The following KNDC1 variants were observed in gnomAD, a reference collection of about 807,000 sequenced individuals.
The protein encoded by KNDC1 is kinase non-catalytic C-lobe domain-containing protein 1.
In KNDC1, 106 loss-of-function variants were observed where a neutral mutation model predicts 172.8. That is an observed-to-expected ratio of 0.61 (90% CI 0.52 to 0.72). The LOEUF is 0.72. Ranked by LOEUF, KNDC1 falls within the 30% of genes least tolerant of loss-of-function variation. The probability of loss-of-function intolerance (pLI) is 0.00; values close to 1 mark genes in which losing one functional copy is unlikely to be tolerated. For synonymous variants in KNDC1, 1,083 were observed against 1,062.2 expected, an observed-to-expected ratio of 1.02 and a Z score of -0.38; for missense variants, 2,325 against 2,394.5, an observed-to-expected ratio of 0.97 and a Z score of 0.61.
intron 7 of KNDC1, among the ~76,000 whole-genome samples, chr10:133,189,036 T>A (rs1022870339): frequency 6.6e-6 from 1 of 152,040 alleles, no homozygotes; most frequent in African/African-American, 2.4e-5. Context: ...AGTGACATTG[T>A]CCCCAGGGAG....
Position 133,191,517 on chromosome 10 carries a change from T to G in KNDC1, c.1575+1704T>G, listed in dbSNP as rs150225138. Among the ~76,000 whole-genome samples, 411 of 152,222 alleles carry G rather than the reference T, an allele frequency of 2.7e-3. 1 individual carries two copies. Among genetic ancestry groups the G allele is most frequent in the African/African-American group, 9.7e-3 (401 of 41,518 alleles). On this transcript the variant is annotated intron_variant, in intron 9 of 29. Coordinates refer to ENST00000304613, the MANE Select transcript of KNDC1 (RefSeq NM_152643.8). ...GAGTTTGAGACCACCCTCGCCAACA[T>G]GGTGAAACCTCATCTCTACTAAAAA...
At chr10:133,166,517 TGTGA>T (rs893570356) in intron 1 of KNDC1, among the ~76,000 whole-genome samples, 7 of 152,020 alleles carry the variant, frequency 4.6e-5, no homozygotes, top group Non-Finnish European at 4.4e-5. Flanking sequence ...GTAGTATGTG[TGTGA>T]GTGTGAGGTG....
intron 23 of KNDC1, among the ~76,000 whole-genome samples, chr10:133,212,102 C>T (rs921288348): frequency 9.2e-5 from 14 of 152,092 alleles, no homozygotes; most frequent in East Asian, 1.9e-4. Flanking sequence ...CGTGCACATG[C>T]GTGCACACTC....
In KNDC1 at chr10:133,182,959, T is replaced by TGTGGGCACAGGCGGC. The variant is rs1564881685; in HGVS notation, c.361-371_361-370insCGTGGGCACAGGCGG. Among the ~76,000 whole-genome samples the TGTGGGCACAGGCGGC allele has an allele frequency of 4.2e-3, 565 of 135,720 alleles. 2 individuals carry two copies. The highest frequency in any genetic ancestry group is 0.015 in the African/African-American group (538 of 36,852). The allele number at this position is 135,720 out of a possible 152,430, so 89.0% of individuals were successfully genotyped here. On this transcript the variant is annotated intron_variant, in intron 3 of 29. Coordinates refer to ENST00000304613, the MANE Select transcript of KNDC1 (RefSeq NM_152643.8). Reference sequence around the variant, plus strand: ...GCACAGGCGGTGTGGGCACAGGCGGTGTGGGCACAGGCGGTGTGGGCACAG... The same window carrying TGTGGGCACAGGCGGC: ...GCACAGGCGGTGTGGGCACAGGCGGTGTGGGCACAGGCGGCGTGGGCACAGGCGGTGTGGGCACAG...
chr10:133,166,971 G>T (rs1450437121), intron 1 of KNDC1, among the ~76,000 whole-genome samples: 1 of 152,182 alleles, frequency 6.6e-6, no homozygotes, highest in Non-Finnish European at 1.5e-5. Flanking sequence ...CGTTAGCTCT[G>T]CACGAGTCCA....
At chr10:133,183,184 G>A (rs1294848776) in intron 3 of KNDC1, among the ~76,000 whole-genome samples, 160 bp from the exon 4 acceptor site, 9 of 150,794 alleles carry the variant, frequency 6.0e-5, no homozygotes, top group South Asian at 2.1e-4. Context: ...GCGTGGGCGC[G>A]GGCGGCAAGG....
chr10:133,182,962 GGGCACAGGCGGTGT>G, intron 3 of KNDC1, among the ~76,000 whole-genome samples: 1 of 149,884 alleles, frequency 6.7e-6, no homozygotes, highest in South Asian at 2.1e-4. Flanking sequence ...CAGGCGGTGT[GGGCACAGGCGGTGT>G]GGGCACAGGC....
At chr10:133,204,481 G>A (rs1854468158) in intron 17 of KNDC1, among the ~76,000 whole-genome samples, 1 of 152,178 alleles carries the variant, frequency 6.6e-6, no homozygotes, top group African/African-American at 2.4e-5. Context: ...AGGTTCTGCA[G>A]AGGCCTGGTC....
At chr10:133,185,915 G>C (rs1233934310) in intron 5 of KNDC1, 59 bp from the exon 6 acceptor site, 12 of 1,234,864 alleles carry the variant, frequency 9.7e-6, no homozygotes, top group Non-Finnish European at 1.3e-5. Flanking sequence ...GGAGGGGCGG[G>C]AGGAGAGGGG....
At chr10:133,173,694 C>T (rs1039705432) in intron 3 of KNDC1, among the ~76,000 whole-genome samples, 1 of 152,160 alleles carries the variant, frequency 6.6e-6, no homozygotes, top group Non-Finnish European at 1.5e-5. Flanking sequence ...CTGCCTGTTC[C>T]CCGGGTCACT....
At chr10:133,213,438 C>T (rs1386387234) in intron 24 of KNDC1, among the ~76,000 whole-genome samples, 4 of 152,220 alleles carry the variant, frequency 2.6e-5, no homozygotes, top group Non-Finnish European at 4.4e-5. Flanking sequence ...CCTGCTGTCA[C>T]GAGGGCTGCC....
chr10:133,185,671 T>A (rs1365818205), intron 5 of KNDC1, among the ~76,000 whole-genome samples: 1 of 150,850 alleles, frequency 6.6e-6, no homozygotes, highest in Non-Finnish European at 1.5e-5. Flanking sequence ...GATAATTAGG[T>A]CCAGGCTCCC....
chr10:133,216,229 G>A (rs937873391), intron 26 of KNDC1, among the ~76,000 whole-genome samples: 3 of 151,956 alleles, frequency 2.0e-5, no homozygotes, highest in Non-Finnish European at 4.4e-5. Context: ...GGAGACACAA[G>A]GGCAGGAAGA....
rs771883328 is a variant in KNDC1, at chr10:133,197,094, A to G, written c.1771A>G (p.Ser591Gly). 6.2e-7 allele frequency: 1 copy of G among 1,613,300 alleles called. No homozygotes were observed. Among genetic ancestry groups the G allele is most frequent in the Admixed American group, 1.7e-5 (1 of 60,020 alleles). The change falls in exon 11 of 30, where the codon AGC becomes GGC. Residue 591 changes from serine to glycine, a missense_variant. Physicochemically the swap from Ser to Gly is moderately conservative, Grantham distance 56. Coordinates refer to ENST00000304613, the MANE Select transcript of KNDC1 (RefSeq NM_152643.8). Reference sequence around the variant, plus strand: ...CTACCTCCTCCAGCGAGGCATGGACAGCCGGAAAATCCTTGCCCACCTCAG... The same window carrying G: ...CTACCTCCTCCAGCGAGGCATGGACGGCCGGAAAATCCTTGCCCACCTCAG... ...GSYLLQRGMD[S>G]RKILAHLRAS...
intron 15 of KNDC1, among the ~76,000 whole-genome samples, chr10:133,200,018 G>A (rs567483186): frequency 5.3e-5 from 8 of 152,202 alleles, no homozygotes; most frequent in East Asian, 1.9e-4. Flanking sequence ...TGGGTGGGGC[G>A]GCGGCCACCC....
At chr10:133,168,166 G>A (rs901373797) in intron 2 of KNDC1, 88 bp from the exon 3 acceptor site, 26 of 1,207,138 alleles carry the variant, frequency 2.2e-5, no homozygotes, top group South Asian at 8.4e-5. Context: ...ACCTGGGGCC[G>A]CTCCCTCTCC....
At chr10:133,181,523 T>C (rs889134663) in intron 3 of KNDC1, among the ~76,000 whole-genome samples, 1 of 152,106 alleles carries the variant, frequency 6.6e-6, no homozygotes, top group African/African-American at 2.4e-5. Context: ...TCTGTGGGGA[T>C]GGCCAGCGGC....
At chr10:133,175,773 G>A (rs1853518298) in intron 3 of KNDC1, among the ~76,000 whole-genome samples, 2 of 151,346 alleles carry the variant, frequency 1.3e-5, no homozygotes, top group Admixed American at 6.6e-5. Context: ...GAGGATGGAC[G>A]GGTGGAGGAT....
In KNDC1 at chr10:133,163,050, C is replaced by T. The variant is rs10745291; in HGVS notation, c.102+2481C>T. 0.34 allele frequency among the ~76,000 whole-genome samples: 51,580 copies of T among 151,732 alleles called. 8,874 individuals carry two copies. The highest frequency in any genetic ancestry group is 0.47 in the East Asian group (2,429 of 5,142). On this transcript the variant is annotated intron_variant, in intron 1 of 29. Coordinates refer to ENST00000304613, the MANE Select transcript of KNDC1 (RefSeq NM_152643.8). The surrounding 1 kb of genome is among the most constrained non-coding windows in gnomAD (Gnocchi z 4.4). ...GAGGGCTTCCTGGAGGTGTCCTGCCCGGGATTCCCATGAGATTTCAGTCAC... is the reference window on the plus strand; with the variant it reads ...GAGGGCTTCCTGGAGGTGTCCTGCCTGGGATTCCCATGAGATTTCAGTCAC...
Sources: gnomAD v4.1 joint callset for allele counts (sites outside exome capture counted in the v4.1 genomes callset) on GRCh38, gnomAD v4.1.1 for gene constraint, Gnocchi (gnomAD v3.1) non-coding constraint, MANE v1.5 for transcripts, NCBI Gene and HGNC (gene_info 2026-07-23, HGNC 2026-07-21) for gene names.